The following CLMP variants were observed in gnomAD, a reference collection of about 807,000 sequenced individuals.
CLMP encodes CXADR-like membrane protein.
Under a neutral mutation model 45.2 loss-of-function variants are expected in CLMP, and 27 were observed. The ratio of observed to expected loss-of-function variants is 0.60; its 90% CI spans 0.44 to 0.82. CLMP has a LOEUF of 0.82. CLMP is among the 40% of genes least tolerant of loss of function. The probability of loss-of-function intolerance (pLI) is 0.00; values close to 1 mark genes in which losing one functional copy is unlikely to be tolerated. For missense variants in CLMP, 403 were observed against 448.4 expected, an observed-to-expected ratio of 0.90 and a Z score of 0.91; for synonymous variants, 167 against 171.4, an observed-to-expected ratio of 0.97 and a Z score of 0.20.
intron 1 of CLMP, among the ~76,000 whole-genome samples, chr11:123,143,462 A>C (rs1861193523): frequency 6.6e-6 from 1 of 151,886 alleles, no homozygotes; most frequent in East Asian, 1.9e-4. Context: ...AGCAGACTGG[A>C]ATTAGAAGTA....
intron 2 of CLMP, among the ~76,000 whole-genome samples, chr11:123,085,782 TG>T (rs1368641939): frequency 0.051 from 6,808 of 134,786 alleles, 174 homozygotes; most frequent in East Asian, 0.14. Flanking sequence ...TTTTTTTTTT[TG>T]TTTTTTTTTT....
chr11:123,070,618 G>A lies in CLMP; in HGVS notation c.*2856C>T, dbSNP rs964523521. On this transcript the variant is annotated 3_prime_UTR_variant, in exon 7 of 7. Transcript: ENST00000448775. ...GGTAGTAAATAATGATGAGCAAATT[G>A]CTAGTGATGATACAGCTGCAGCTTC... 2.0e-5 allele frequency: 3 copies of A among 152,206 alleles called. No individual in the cohort carries two copies. The highest frequency in any genetic ancestry group is 7.2e-5 in the African/African-American group (3 of 41,438). The allele number at this position is 152,206 out of a possible 1,614,324, so 9.4% of individuals were successfully genotyped here. A position where few individuals can be genotyped will look rare whatever the true frequency, so the allele number is the denominator to read the frequency against.
At chr11:123,188,068 C>T (rs567804932) in intron 1 of CLMP, among the ~76,000 whole-genome samples, 1 of 152,304 alleles carries the variant, frequency 6.6e-6, no homozygotes, top group African/African-American at 2.4e-5. Flanking sequence ...AAATAGCCTC[C>T]TCATGTATCT....
At chr11:123,100,312 C>G (rs2135482278) in intron 1 of CLMP, among the ~76,000 whole-genome samples, 1 of 151,034 alleles carries the variant, frequency 6.6e-6, no homozygotes, top group African/African-American at 2.4e-5. Context: ...ACCCAGGAGG[C>G]AGAGGTTGCA....
At chr11:123,126,287 G>C (rs1322458942) in intron 1 of CLMP, among the ~76,000 whole-genome samples, 1 of 152,146 alleles carries the variant, frequency 6.6e-6, no homozygotes, top group Non-Finnish European at 1.5e-5. Flanking sequence ...CACAGTGCTT[G>C]TCACCAAATA....
At chr11:123,097,725 T>C in intron 2 of CLMP, 70 bp downstream of exon 2, 1 of 1,237,570 alleles carries the variant, frequency 8.1e-7, no homozygotes, top group Non-Finnish European at 1.1e-6. Context: ...AAAGAAAGAC[T>C]GGAAGACTGA....
At chr11:123,095,257 G>C (rs1030630779) in intron 2 of CLMP, among the ~76,000 whole-genome samples, 2 of 151,842 alleles carry the variant, frequency 1.3e-5, no homozygotes, top group Admixed American at 1.3e-4. Flanking sequence ...TTGGGTGAAA[G>C]TTAGATGTGT....
intron 1 of CLMP, among the ~76,000 whole-genome samples, chr11:123,173,182 G>A (rs1216387332): frequency 1.3e-5 from 2 of 152,234 alleles, no homozygotes; most frequent in East Asian, 3.8e-4. Flanking sequence ...GGGACAGGAT[G>A]GTAGGTAAGA....
chr11:123,144,546 T>C (rs1011939978), intron 1 of CLMP, among the ~76,000 whole-genome samples: 3 of 152,096 alleles, frequency 2.0e-5, no homozygotes, highest in African/African-American at 7.2e-5. Flanking sequence ...AATTTTGTAT[T>C]TTTAGTAGAG....
At chr11:123,159,629 G>C (rs1238703405) in intron 1 of CLMP, among the ~76,000 whole-genome samples, 1 of 152,168 alleles carries the variant, frequency 6.6e-6, no homozygotes, top group Non-Finnish European at 1.5e-5. Context: ...ACAGAATAAG[G>C]GAGGGGCAAC....
intron 1 of CLMP, among the ~76,000 whole-genome samples, chr11:123,110,437 G>C (rs1565385110): frequency 1.3e-5 from 2 of 148,408 alleles, no homozygotes; most frequent in South Asian, 4.3e-4. Context: ...CTGGGTGACA[G>C]AGCGAGACTC....
intron 1 of CLMP, among the ~76,000 whole-genome samples, chr11:123,141,824 T>A (rs1861163107): frequency 6.6e-6 from 1 of 152,114 alleles, no homozygotes; most frequent in South Asian, 2.1e-4. Context: ...AGTGTGCATA[T>A]CTCGCCCCCC....
At chr11:123,113,532 C>A (rs900668855) in intron 1 of CLMP, among the ~76,000 whole-genome samples, 2 of 152,112 alleles carry the variant, frequency 1.3e-5, no homozygotes, top group Non-Finnish European at 2.9e-5. Context: ...CAGGCGATGA[C>A]CTTCCAGACT....
chr11:123,157,510 G>A (rs779036935), intron 1 of CLMP, among the ~76,000 whole-genome samples: 16 of 152,016 alleles, frequency 1.1e-4, no homozygotes, highest in East Asian at 1.9e-4. Flanking sequence ...CCGAGATCGC[G>A]CCATTGCACT....
In CLMP at chr11:123,106,145, A is replaced by ATT. The variant is rs771578861; in HGVS notation, c.29-8195_29-8194dup. Among the ~76,000 whole-genome samples, 707 of 146,232 alleles carry ATT rather than the reference A, an allele frequency of 4.8e-3. 7 individuals are homozygous for ATT. Among genetic ancestry groups the ATT allele is most frequent in the African/African-American group, 0.017 (679 of 39,924 alleles). On this transcript the variant is annotated intron_variant, in intron 1 of 6. Transcript: ENST00000448775. ...TGAGATTTTATTGTGATTTTATTCT[A>ATT]TTTTTTTTTTTAGCTCATCAGCTGT...
At chr11:123,088,766 C>T (rs1865894033) in intron 2 of CLMP, among the ~76,000 whole-genome samples, 1 of 152,126 alleles carries the variant, frequency 6.6e-6, no homozygotes, top group African/African-American at 2.4e-5. Context: ...GCCGGGATTA[C>T]AGGCATTCAC....
At chr11:123,087,596 G>T (rs1422565718) in intron 2 of CLMP, among the ~76,000 whole-genome samples, 3 of 152,032 alleles carry the variant, frequency 2.0e-5, no homozygotes, top group Admixed American at 2.0e-4. Context: ...GCCGAGGCGG[G>T]TGGATCACGA....
chr11:123,075,543 C>G (rs756851298), intron 5 of CLMP, among the ~76,000 whole-genome samples: 12 of 152,018 alleles, frequency 7.9e-5, no homozygotes, highest in Non-Finnish European at 1.3e-4. Context: ...CCCGCCACCA[C>G]GCCCGGCTAG....
chr11:123,190,459 T>C (rs1336174945), intron 1 of CLMP, among the ~76,000 whole-genome samples: 1 of 152,052 alleles, frequency 6.6e-6, no homozygotes, highest in Admixed American at 6.5e-5. Context: ...AACTTAGAGA[T>C]AACCTTAATC....
Sources: allele counts gnomAD v4.1 joint callset (sites outside exome capture counted in the v4.1 genomes callset), GRCh38; gene constraint gnomAD v4.1.1; transcripts MANE v1.5; gene names NCBI Gene and HGNC (gene_info 2026-07-23, HGNC 2026-07-21).